Variants in ARK2N observed in about 807,000 individuals in gnomAD.
ARK2N encodes arkadia (RNF111) N-terminal like PKA signaling regulator 2N.
the ARK2N span, among the ~76,000 whole-genome samples, chr18:46,230,552 A>G: frequency 6.6e-6 from 1 of 152,218 alleles, no homozygotes; most frequent in African/African-American, 2.4e-5. Context: ...TAATCCAGAA[A>G]TGGTTGAAAT....
chr18:46,227,803 G>A, the ARK2N span, among the ~76,000 whole-genome samples: 1 of 152,076 alleles, frequency 6.6e-6, no homozygotes, highest in Non-Finnish European at 1.5e-5. Flanking sequence ...TCTCCATGTT[G>A]GTCAGGCCGG....
chr18:46,211,495 TAGA>T, the ARK2N span, among the ~76,000 whole-genome samples: 526 of 152,164 alleles, frequency 3.5e-3, 4 homozygotes, highest in African/African-American at 0.012. Context: ...GTTAAGGAAA[TAGA>T]AGTTTATACA....
At chr18:46,229,433 CGT>C in the ARK2N span, among the ~76,000 whole-genome samples, 2 of 145,864 alleles carry the variant, frequency 1.4e-5, no homozygotes. Context: ...CTGCAAGCTC[CGT>C]CTCCCGGGTT....
At chr18:46,182,366 C>T in the ARK2N span, among the ~76,000 whole-genome samples, 4 of 152,260 alleles carry the variant, frequency 2.6e-5, no homozygotes, top group South Asian at 8.3e-4. Flanking sequence ...CAGTTCCTGG[C>T]ATGTGGTTAT....
the ARK2N span, among the ~76,000 whole-genome samples, chr18:46,225,828 A>G: frequency 2.0e-5 from 3 of 152,296 alleles, no homozygotes; most frequent in African/African-American, 7.2e-5. Flanking sequence ...CACAACAGAA[A>G]GCCCCAGAAT....
chr18:46,174,387 C>G, the ARK2N span: 2 of 152,224 alleles, frequency 1.3e-5, no homozygotes, highest in African/African-American at 2.4e-5. Flanking sequence ...TTGGGGGGCC[C>G]GGGTTGCGTC....
At chr18:46,225,468 T>G in the ARK2N span, among the ~76,000 whole-genome samples, 5 of 141,550 alleles carry the variant, frequency 3.5e-5, no homozygotes, top group East Asian at 3.9e-4. Flanking sequence ...GATGTTGCTG[T>G]TTTTTTTTGA....
chr18:46,195,943 T>C, the ARK2N span, among the ~76,000 whole-genome samples: 3 of 151,866 alleles, frequency 2.0e-5, no homozygotes, highest in African/African-American at 7.3e-5. Context: ...AATAATAATA[T>C]AAAATAATTT....
the ARK2N span, among the ~76,000 whole-genome samples, chr18:46,246,174 C>T: frequency 0.012 from 1,872 of 152,198 alleles, 48 homozygotes; most frequent in African/African-American, 0.043. Context: ...GCATCTTTGG[C>T]TCACTTTTCT....
the ARK2N span, among the ~76,000 whole-genome samples, chr18:46,207,388 C>CTTTT: frequency 7.8e-5 from 9 of 115,910 alleles, no homozygotes; most frequent in Admixed American, 9.9e-5. Context: ...AGTTTCTATA[C>CTTTT]TTTTTTTTTT....
chr18:46,243,190 T>C, the ARK2N span, among the ~76,000 whole-genome samples: 1 of 152,234 alleles, frequency 6.6e-6, no homozygotes, highest in Non-Finnish European at 1.5e-5. Flanking sequence ...TGTGAAGATA[T>C]CTGAATGTGC....
At chr18:46,229,162 A>G in the ARK2N span, among the ~76,000 whole-genome samples, 1 of 151,734 alleles carries the variant, frequency 6.6e-6, no homozygotes, top group African/African-American at 2.4e-5. Flanking sequence ...TTTTATCTTG[A>G]TTTTCAGTTT....
At chr18:46,257,975 G>GGA in the ARK2N span, among the ~76,000 whole-genome samples, 2 of 151,128 alleles carry the variant, frequency 1.3e-5, no homozygotes, top group Non-Finnish European at 2.9e-5. Context: ...CCTCCAGGCT[G>GGA]GAGTGCAGTG....
At chr18:46,182,598 A>G in the ARK2N span, among the ~76,000 whole-genome samples, 1 of 152,054 alleles carries the variant, frequency 6.6e-6, no homozygotes, top group African/African-American at 2.4e-5. Flanking sequence ...TTATTTTTAA[A>G]AATTAAAAGA....
At chr18:46,237,102 A>AT in the ARK2N span, among the ~76,000 whole-genome samples, 1 of 151,946 alleles carries the variant, frequency 6.6e-6, no homozygotes, top group Non-Finnish European at 1.5e-5. Flanking sequence ...ACCTCAAGTG[A>AT]TTCACCTGCA....
the ARK2N span, among the ~76,000 whole-genome samples, chr18:46,204,394 GA>G: frequency 9.2e-5 from 14 of 152,146 alleles, no homozygotes; most frequent in African/African-American, 3.1e-4. Context: ...CTGTGACAGG[GA>G]AAGTACTATA....
the ARK2N span, among the ~76,000 whole-genome samples, chr18:46,179,625 CTTT>C: frequency 1.5e-5 from 2 of 136,796 alleles, no homozygotes; most frequent in African/African-American, 2.7e-5. Flanking sequence ...TTAAAGTTAT[CTTT>C]TTTTTTTTTT....
chr18:46,220,197 T>G, the ARK2N span, among the ~76,000 whole-genome samples: 2 of 152,222 alleles, frequency 1.3e-5, no homozygotes, highest in Non-Finnish European at 2.9e-5. Context: ...CTTGGTTTGT[T>G]TGCCTTTGAA....
the ARK2N span, among the ~76,000 whole-genome samples, chr18:46,246,802 G>A: frequency 1.1e-4 from 17 of 152,032 alleles, no homozygotes; most frequent in African/African-American, 3.4e-4. Context: ...TTAGCCTGGC[G>A]TGGTGGTGCA....
Sources: allele counts gnomAD v4.1 joint callset (sites outside exome capture counted in the v4.1 genomes callset), GRCh38; gene constraint gnomAD v4.1.1; transcripts MANE v1.5; gene names NCBI Gene and HGNC (gene_info 2026-07-23, HGNC 2026-07-21).